EPC1: variants seen among roughly 807,000 people sequenced by gnomAD.
EPC1 encodes enhancer of polycomb 1.
In EPC1, 12 loss-of-function variants were observed where a neutral mutation model predicts 98.4. The observed-to-expected ratio is 0.12, with a 90% CI of 0.08 to 0.20. EPC1 has a LOEUF of 0.20. Ranked by LOEUF, EPC1 falls within the 10% of genes least tolerant of loss-of-function variation. The probability of loss-of-function intolerance (pLI) is 1.00; values close to 1 mark genes in which losing one functional copy is unlikely to be tolerated. For missense variants in EPC1, 729 were observed against 990.5 expected (o/e 0.74, Z 3.54); for synonymous variants, 357 against 363.9 (o/e 0.98, Z 0.21).
At chr10:32,370,717 G>A (rs1399409108) in intron 1 of EPC1, among the ~76,000 whole-genome samples, 1 of 152,180 alleles carries the variant, frequency 6.6e-6, no homozygotes, top group Non-Finnish European at 1.5e-5. Context: ...TACTAGCTGG[G>A]TGTAGCTATG....
chr10:32,303,217 C>T (rs1468066449), intron 2 of EPC1, among the ~76,000 whole-genome samples: 2 of 152,118 alleles, frequency 1.3e-5, no homozygotes, highest in African/African-American at 2.4e-5. Flanking sequence ...GCACGAGAAT[C>T]GCTTGAACCA....
At chr10:32,322,539 T>C (rs910106970) in intron 1 of EPC1, among the ~76,000 whole-genome samples, 1 of 152,222 alleles carries the variant, frequency 6.6e-6, no homozygotes, top group African/African-American at 2.4e-5. Flanking sequence ...TGTTCTTCTA[T>C]CAAAAATAAC....
intron 10 of EPC1, among the ~76,000 whole-genome samples, chr10:32,276,125 A>G (rs1005510467): frequency 4.6e-5 from 7 of 152,206 alleles, no homozygotes; most frequent in Non-Finnish European, 8.8e-5. Context: ...CTAGGGGCCA[A>G]AAGACCTTGA....
intron 1 of EPC1, among the ~76,000 whole-genome samples, chr10:32,360,606 G>C (rs1176156189): frequency 6.6e-6 from 1 of 152,156 alleles, no homozygotes; most frequent in African/African-American, 2.4e-5. Flanking sequence ...GAAAGGATTT[G>C]ATCTCACATG....
upstream of EPC1, among the ~76,000 whole-genome samples, chr10:32,348,064 C>CA (rs1165008691): frequency 1.3e-5 from 2 of 152,224 alleles, no homozygotes; most frequent in African/African-American, 4.8e-5. Context: ...ATTCTGTACT[C>CA]AAAGAGACTG....
chr10:32,279,191 ATACAAAAAT>A (rs1203310270), intron 10 of EPC1, among the ~76,000 whole-genome samples: 3 of 152,100 alleles, frequency 2.0e-5, no homozygotes, highest in Non-Finnish European at 4.4e-5. Context: ...CTACTAAAAA[ATACAAAAAT>A]TAGCCAGGCG....
At chr10:32,365,931 C>T (rs368736136) in intron 1 of EPC1, among the ~76,000 whole-genome samples, 12 of 148,976 alleles carry the variant, frequency 8.1e-5, no homozygotes, top group Non-Finnish European at 1.3e-4. Flanking sequence ...GTCAGGAGTT[C>T]GAGACCAGCC....
intron 1 of EPC1, among the ~76,000 whole-genome samples, chr10:32,363,630 C>A (rs1008559712): frequency 6.6e-6 from 1 of 151,620 alleles, no homozygotes; most frequent in African/African-American, 2.4e-5. Flanking sequence ...AAACTCTATC[C>A]TTTCTCTTTC....
chr10:32,313,749 G>T (rs973799078), intron 1 of EPC1, among the ~76,000 whole-genome samples: 3 of 152,152 alleles, frequency 2.0e-5, no homozygotes, highest in Admixed American at 2.0e-4. Flanking sequence ...AGCTGGGCGT[G>T]GTGGCGGGTG....
chr10:32,350,391 T>C (rs561446888), upstream of EPC1, among the ~76,000 whole-genome samples: 2 of 152,308 alleles, frequency 1.3e-5, no homozygotes, highest in Admixed American at 6.5e-5. Flanking sequence ...TCTGGGTTGA[T>C]CAGACAGCAT....
At chr10:32,358,732 T>C in intron 1 of EPC1, among the ~76,000 whole-genome samples, 1 of 151,780 alleles carries the variant, frequency 6.6e-6, no homozygotes, top group Non-Finnish European at 1.5e-5. Flanking sequence ...TGAATAATGA[T>C]AGTGCCAAGT....
chr10:32,344,938 A>G (rs1014728651), intron 1 of EPC1, among the ~76,000 whole-genome samples: 3 of 152,236 alleles, frequency 2.0e-5, no homozygotes, highest in Non-Finnish European at 2.9e-5. Context: ...AGACTTAACT[A>G]AAGTCTAAAG....
intron 1 of EPC1, chr10:32,374,508 A>T (rs1323088656): frequency 6.6e-6 from 1 of 152,154 alleles, no homozygotes; most frequent in Non-Finnish European, 1.5e-5. Flanking sequence ...AGGAATTTGT[A>T]TTAGGCAACC....
upstream of EPC1, among the ~76,000 whole-genome samples, chr10:32,349,140 C>T (rs563323996): frequency 6.6e-6 from 1 of 151,670 alleles, no homozygotes; most frequent in Non-Finnish European, 1.5e-5. Flanking sequence ...ATTATTCTGA[C>T]AGCCCTCTCC....
chr10:32,273,845 T>C (rs1835956016), intron 10 of EPC1: 1 of 152,142 alleles, frequency 6.6e-6, no homozygotes, highest in African/African-American at 2.4e-5. Context: ...TTTAAAGAAC[T>C]CATCCTTTAA....
chr10:32,335,748 C>A (rs1243564716), intron 1 of EPC1, among the ~76,000 whole-genome samples: 3 of 152,192 alleles, frequency 2.0e-5, no homozygotes, highest in Admixed American at 2.0e-4. Flanking sequence ...GATGAAATAG[C>A]ATGACCTTCT....
At chr10:32,304,436 C>T (rs1375029884) in intron 2 of EPC1, among the ~76,000 whole-genome samples, 1 of 152,156 alleles carries the variant, frequency 6.6e-6, no homozygotes, top group Admixed American at 6.5e-5. Flanking sequence ...TTCTGGAAAA[C>T]AACTTTTTAG....
At chr10:32,364,316 G>A (rs934696749) in intron 1 of EPC1, among the ~76,000 whole-genome samples, 4 of 151,964 alleles carry the variant, frequency 2.6e-5, no homozygotes, top group South Asian at 2.1e-4. Flanking sequence ...TTACAGGCAT[G>A]AGCTATTGTG....
At chr10:32,291,391 C>T (rs1834840101) in intron 5 of EPC1, 69 bp from the exon 6 acceptor site, 5 of 1,189,446 alleles carry the variant, frequency 4.2e-6, no homozygotes, top group Non-Finnish European at 5.9e-6. Context: ...TTTTGATATA[C>T]ATTTATACTG....
Sources: allele counts gnomAD v4.1 joint callset (sites outside exome capture counted in the v4.1 genomes callset), GRCh38; gene constraint gnomAD v4.1.1; transcripts MANE v1.5; gene names NCBI Gene and HGNC (gene_info 2026-07-23, HGNC 2026-07-21).